Variants in CSMD3 observed in about 807,000 individuals in gnomAD.
The protein encoded by CSMD3 is CUB and sushi domain-containing protein 3.
A neutral mutation model predicts 435.2 loss-of-function variants in CSMD3; 177 were observed. The ratio of observed to expected loss-of-function variants is 0.41; its 90% CI spans 0.36 to 0.46. The LOEUF is 0.46. Among genes scored for constraint, CSMD3 ranks in the 20% least tolerant of loss-of-function variants. The pLI, the probability that CSMD3 is intolerant of heterozygous loss-of-function variation, is 0.34. For missense variants in CSMD3, 4,265 were observed against 4,504.6 expected, an observed-to-expected ratio of 0.95 and a Z score of 1.52; for synonymous variants, 1,656 against 1,520.5, an observed-to-expected ratio of 1.09 and a Z score of -2.07.
intron 10 of CSMD3, among the ~76,000 whole-genome samples, chr8:112,918,519 C>G (rs904867061): frequency 6.6e-6 from 1 of 151,782 alleles, no homozygotes; most frequent in African/African-American, 2.4e-5. Flanking sequence ...CAACCACATA[C>G]TGTTTCTTTA....
At chr8:113,090,648 C>A (rs2089971820) in intron 5 of CSMD3, among the ~76,000 whole-genome samples, 1 of 152,106 alleles carries the variant, frequency 6.6e-6, no homozygotes, top group Non-Finnish European at 1.5e-5. Flanking sequence ...CCAACATCTT[C>A]AATCTCCTCC....
chr8:112,514,475 C>T (rs199510232), intron 28 of CSMD3, among the ~76,000 whole-genome samples: 2 of 152,134 alleles, frequency 1.3e-5, no homozygotes, highest in Non-Finnish European at 2.9e-5. Context: ...GTTATATGGG[C>T]ATCAACTATT....
chr8:113,233,581 T>A (rs1416441421), intron 3 of CSMD3, among the ~76,000 whole-genome samples: 1 of 151,432 alleles, frequency 6.6e-6, no homozygotes, highest in South Asian at 2.1e-4. Context: ...ACTATATAGA[T>A]AATTAAATGT....
chr8:112,432,574 A>C (rs558031738), intron 32 of CSMD3, among the ~76,000 whole-genome samples: 1 of 152,102 alleles, frequency 6.6e-6, no homozygotes, highest in Admixed American at 6.6e-5. Context: ...TGTCCACCCA[A>C]AGTGTTGGGA....
At chr8:112,254,159 G>A in intron 63 of CSMD3, 94 bp downstream of exon 63, 1 of 879,896 alleles carries the variant, frequency 1.1e-6, no homozygotes, top group South Asian at 1.3e-5. Flanking sequence ...GATAGAACAT[G>A]ACTTTTTGTT....
At chr8:112,284,893 C>T (rs964834952) in intron 58 of CSMD3, among the ~76,000 whole-genome samples, 6 of 151,744 alleles carry the variant, frequency 4.0e-5, no homozygotes, top group Non-Finnish European at 8.8e-5. Flanking sequence ...TTGCTGCTCC[C>T]GCACACAATA....
At chr8:113,361,503 ACAT>A (rs1463804534) in intron 1 of CSMD3, among the ~76,000 whole-genome samples, 5 of 152,138 alleles carry the variant, frequency 3.3e-5, no homozygotes, top group Non-Finnish European at 7.4e-5. Context: ...GCTATGGTAA[ACAT>A]AATAATAATT....
chr8:112,425,704 C>T (rs949632663), intron 32 of CSMD3, among the ~76,000 whole-genome samples: 5 of 151,980 alleles, frequency 3.3e-5, no homozygotes, highest in African/African-American at 1.2e-4. Context: ...TTAACATTCC[C>T]CACTGTGGTA....
chr8:112,527,526 A>C (rs1482586391), intron 27 of CSMD3, among the ~76,000 whole-genome samples: 1 of 152,024 alleles, frequency 6.6e-6, no homozygotes, highest in East Asian at 1.9e-4. Flanking sequence ...TTGATAAAAT[A>C]AGTGAAGTAA....
chr8:112,314,195 A>G, intron 48 of CSMD3, 143 bp from the exon 49 acceptor site: 1 of 754,398 alleles, frequency 1.3e-6, no homozygotes, highest in Non-Finnish European at 2.2e-6. Flanking sequence ...TGAAAACATA[A>G]AATGTTTGTT....
intron 24 of CSMD3, among the ~76,000 whole-genome samples, chr8:112,571,107 A>C (rs910613809): frequency 2.6e-5 from 4 of 152,154 alleles, no homozygotes; most frequent in African/African-American, 9.7e-5. Flanking sequence ...TCCCAGGTTC[A>C]AGCGGTTCTC....
chr8:113,250,417 A>G (rs948945554), intron 3 of CSMD3, among the ~76,000 whole-genome samples: 6 of 152,148 alleles, frequency 3.9e-5, no homozygotes, highest in African/African-American at 1.2e-4. Flanking sequence ...AGGAAAAACA[A>G]TAATTTCACA....
intron 9 of CSMD3, among the ~76,000 whole-genome samples, 198 bp downstream of exon 9, chr8:112,947,592 A>G (rs970375117): frequency 3.3e-5 from 5 of 151,772 alleles, no homozygotes; most frequent in Non-Finnish European, 5.9e-5. Context: ...TAAACTAAAA[A>G]AAAAGTGTTC....
chr8:113,411,903 C>A (rs2094561498), intron 1 of CSMD3, among the ~76,000 whole-genome samples: 1 of 152,178 alleles, frequency 6.6e-6, no homozygotes, highest in African/African-American at 2.4e-5. Flanking sequence ...TTATCTTCAG[C>A]ACAGTAGTTA....
intron 4 of CSMD3, among the ~76,000 whole-genome samples, chr8:113,151,765 G>T (rs1235214492): frequency 6.6e-6 from 1 of 151,902 alleles, no homozygotes; most frequent in Non-Finnish European, 1.5e-5. Flanking sequence ...ATTTAAAATT[G>T]CAGTTTATTT....
chr8:112,893,054 C>T (rs1400386802), intron 10 of CSMD3, among the ~76,000 whole-genome samples: 1 of 150,960 alleles, frequency 6.6e-6, no homozygotes, highest in African/African-American at 2.4e-5. Context: ...GCTGCTGCTG[C>T]TACTACTACT....
chr8:112,703,786 A>G (rs942454154), intron 13 of CSMD3, among the ~76,000 whole-genome samples: 1 of 152,102 alleles, frequency 6.6e-6, no homozygotes, highest in African/African-American at 2.4e-5. Context: ...TTGTGAGTTA[A>G]ACCATGTCTC....
Position 113,297,100 on chromosome 8 carries a change from A to T in CSMD3, c.401+17471T>A, listed in dbSNP as rs570797826. Reference sequence around the variant, plus strand: ...AAAAAGCAAAACATTTTGTTAAAATATTGTGTTATTTGTATATATTGAATT... The same window carrying T: ...AAAAAGCAAAACATTTTGTTAAAATTTTGTGTTATTTGTATATATTGAATT... On this transcript the variant is annotated intron_variant, in intron 2 of 70. Coordinates refer to ENST00000297405, the MANE Select transcript of CSMD3 (RefSeq NM_198123.2). 1.0e-3 allele frequency among the ~76,000 whole-genome samples: 156 copies of T among 152,256 alleles called. 2 individuals carry two copies. Among genetic ancestry groups the T allele is most frequent in the Non-Finnish European group, 8.8e-5 (6 of 68,016 alleles).
intron 32 of CSMD3, among the ~76,000 whole-genome samples, chr8:112,437,334 C>T (rs1563944870): frequency 6.6e-6 from 1 of 151,984 alleles, no homozygotes; most frequent in Non-Finnish European, 1.5e-5. Context: ...TTTTAAATGT[C>T]ATAAAAAGTA....
Sources: gnomAD v4.1 joint callset for allele counts (sites outside exome capture counted in the v4.1 genomes callset) on GRCh38, gnomAD v4.1.1 for gene constraint, MANE v1.5 for transcripts, NCBI Gene and HGNC (gene_info 2026-07-23, HGNC 2026-07-21) for gene names.